RPS6KA2: variants seen among roughly 807,000 people sequenced by gnomAD.
RPS6KA2 encodes the protein ribosomal protein S6 kinase A2.
RPS6KA2 carries 42 observed loss-of-function variants against 91.8 expected under a neutral mutation model. That is an observed-to-expected ratio of 0.46 (90% CI 0.36 to 0.59). RPS6KA2 has a LOEUF of 0.59. RPS6KA2 is among the 20% of genes least tolerant of loss of function. RPS6KA2 has a pLI of 0.00. For missense variants in RPS6KA2, 798 were observed against 978.5 expected (o/e 0.82, Z 2.46); for synonymous variants, 414 against 393.6 (o/e 1.05, Z -0.61).
chr6:166,610,999 A>G (rs963613880), intron 1 of RPS6KA2, among the ~76,000 whole-genome samples: 2 of 152,242 alleles, frequency 1.3e-5, no homozygotes, highest in Non-Finnish European at 2.9e-5. Flanking sequence ...GAACAAAAGT[A>G]TCCTTAAACC....
At chr6:166,573,297 G>C (rs936678205) in intron 1 of RPS6KA2, among the ~76,000 whole-genome samples, 8 of 152,240 alleles carry the variant, frequency 5.3e-5, no homozygotes, top group African/African-American at 1.9e-4. Context: ...GTGTTATGAA[G>C]CACATTCAGG....
At chr6:166,739,869 C>T (rs1030839622) in intron 2 of RPS6KA2, among the ~76,000 whole-genome samples, 1 of 152,220 alleles carries the variant, frequency 6.6e-6, no homozygotes, top group African/African-American at 2.4e-5. Context: ...AAGCCCAACC[C>T]CTTTCCGTAA....
chr6:166,702,085 A>G, intron 2 of RPS6KA2: 2 of 1,393,716 alleles, frequency 1.4e-6, no homozygotes, highest in Non-Finnish European at 2.0e-6. Context: ...CTTCAGGAGT[A>G]GAGAGGATAG....
At chr6:166,567,962 G>A (rs3799614) in intron 1 of RPS6KA2, among the ~76,000 whole-genome samples, 1 of 152,074 alleles carries the variant, frequency 6.6e-6, no homozygotes, top group Non-Finnish European at 1.5e-5. Flanking sequence ...CCAAGGGCAC[G>A]CCAGTGCAGC....
At chr6:166,634,501 T>C (rs1787175754) in intron 2 of RPS6KA2, among the ~76,000 whole-genome samples, 1 of 152,228 alleles carries the variant, frequency 6.6e-6, no homozygotes, top group Non-Finnish European at 1.5e-5. Flanking sequence ...GATGCTTCCC[T>C]GTAAATCCAT....
intron 2 of RPS6KA2, among the ~76,000 whole-genome samples, chr6:166,838,017 A>G (rs1583168452): frequency 6.6e-6 from 1 of 152,268 alleles, no homozygotes; most frequent in African/African-American, 2.4e-5. Flanking sequence ...ACATAAACGC[A>G]ACGCAGGCTC....
At chr6:166,647,988 A>ATG (rs1787696613) in intron 2 of RPS6KA2, among the ~76,000 whole-genome samples, 1 of 104,646 alleles carries the variant, frequency 9.6e-6, no homozygotes, top group African/African-American at 4.2e-5. Flanking sequence ...GCTCACACAC[A>ATG]CGCACATGCT....
At position 166,826,625 on chromosome 6, in the gene RPS6KA2, T is replaced by C. The variant is rs919128484; in HGVS notation, c.123+31575A>G. ...TTCTACGGATTATAAAATTGTCCCC[T>C]GAATTAAGCTAGGCTTACCATAGCT... On this transcript the variant is annotated intron_variant, in intron 2 of 21. Transcript: ENST00000503859. 9.8e-5 allele frequency among the ~76,000 whole-genome samples: 15 copies of C among 152,358 alleles called. No individual in the cohort carries two copies. In the East Asian group the frequency reaches 1.2e-3, roughly 12 times the overall value.
Position 166,600,690 on chromosome 6 carries a change from T to C in RPS6KA2, c.99+26231A>G, listed in dbSNP as rs78358687. 1.3e-4 allele frequency among the ~76,000 whole-genome samples: 20 copies of C among 152,362 alleles called. No individual in the cohort carries two copies. The East Asian group carries it at 3.9e-3, about 29-fold the overall frequency. ...TCTTTTAACATACAAGTTGTTGCAC[T>C]TGCCCTATTTTCAGGACTAAATAAT... On this transcript the variant is annotated intron_variant, in intron 1 of 20. Coordinates refer to ENST00000265678, the MANE Select transcript of RPS6KA2 (RefSeq NM_021135.6).
At chr6:166,642,235 A>C (rs1787461209) in intron 2 of RPS6KA2, among the ~76,000 whole-genome samples, 2 of 152,360 alleles carry the variant, frequency 1.3e-5, no homozygotes, top group Non-Finnish European at 2.9e-5. Context: ...GGAAGCTGAG[A>C]GAGTGGAATA....
rs116035957 is a variant in RPS6KA2, at chr6:166,529,875, T to G, written c.298+1357A>C. Among the ~76,000 whole-genome samples, 518 of 152,338 alleles carry G rather than the reference T, an allele frequency of 3.4e-3. 2 individuals carry two copies. Among genetic ancestry groups the G allele is most frequent in the African/African-American group, 0.012 (497 of 41,582 alleles). On this transcript the variant is annotated intron_variant, in intron 3 of 20. Transcript: ENST00000265678. Reference sequence around the variant, plus strand: ...GGTCAACTTCTGCATTTTCTTACCATTGGTTGTACTGATAAATGTCAACCA... The same window carrying G: ...GGTCAACTTCTGCATTTTCTTACCAGTGGTTGTACTGATAAATGTCAACCA...
chr6:166,767,774 A>AACACACACAC lies in RPS6KA2; in HGVS notation c.123+90416_123+90425dup, dbSNP rs71639661. On this transcript the variant is annotated intron_variant, in intron 2 of 21. Coordinates refer to the RPS6KA2 transcript ENST00000503859. This position sits in a 1 kb window ranked among gnomAD's most constrained non-coding sequence, Gnocchi z 4.6. ...AAGAACTAAAGACAATACCTCCTCAAACACACACACACACACACACACACA... is the reference window on the plus strand; with the variant it reads ...AAGAACTAAAGACAATACCTCCTCAAACACACACACACACACACACACACACACACACACA... 6.1e-5 allele frequency among the ~76,000 whole-genome samples: 9 copies of AACACACACAC among 146,854 alleles called. No individual in the cohort carries two copies. Among genetic ancestry groups the AACACACACAC allele is most frequent in the African/African-American group, 2.3e-4 (9 of 39,776 alleles).
At chr6:166,487,648 C>T (rs537557105) in intron 10 of RPS6KA2, among the ~76,000 whole-genome samples, 49 of 152,248 alleles carry the variant, frequency 3.2e-4, no homozygotes, top group African/African-American at 9.9e-4. Flanking sequence ...GAGTGGTTTA[C>T]GTGATAAAAA....
intron 2 of RPS6KA2, among the ~76,000 whole-genome samples, chr6:166,698,540 C>T (rs892834075): frequency 6.6e-6 from 1 of 152,140 alleles, no homozygotes; most frequent in Non-Finnish European, 1.5e-5. Flanking sequence ...TAACCATCTG[C>T]CCAGTGTGTG....
rs78598590 is a variant in RPS6KA2 at position 166,459,550 on chromosome 6, G to A, written c.974C>T (p.Thr325Met). The change falls in exon 12 of 21, where the codon ACG becomes ATG. Residue 325 changes from threonine (T) to methionine (M), a missense_variant and splice_region_variant. Coordinates refer to ENST00000265678, the MANE Select transcript of RPS6KA2 (RefSeq NM_021135.6). The surrounding 1 kb of genome is among the most constrained non-coding windows in gnomAD (Gnocchi z 4.9). ...TGGCTTGATCTCCTTCCGGTACAGC[G>A]TCTATTAATACAAGGAAAGCAAGAC... ...HPFFVTIDWN[T>M]LYRKEIKPPF... The A allele has an allele frequency of 8.4e-5, 135 of 1,610,624 alleles. No homozygotes were observed. The highest frequency in any genetic ancestry group is 4.3e-4 in the South Asian group (39 of 90,866).
intron 2 of RPS6KA2, among the ~76,000 whole-genome samples, chr6:166,798,631 A>G (rs1187969372): frequency 1.3e-5 from 2 of 152,214 alleles, no homozygotes; most frequent in Non-Finnish European, 2.9e-5. Context: ...ACATGCAAAG[A>G]CCATCTATGG....
intron 10 of RPS6KA2, among the ~76,000 whole-genome samples, chr6:166,488,046 T>C (rs375379171): frequency 3.3e-5 from 5 of 149,588 alleles, no homozygotes; most frequent in African/African-American, 1.2e-4. Flanking sequence ...ATTTAACTTT[T>C]GCCTTCCCCT....
intron 1 of RPS6KA2, among the ~76,000 whole-genome samples, chr6:166,619,862 A>G (rs1286301304): frequency 6.6e-6 from 1 of 152,240 alleles, no homozygotes; most frequent in East Asian, 1.9e-4. Context: ...AGAGCATTAA[A>G]ATTGGGACCT....
At chr6:166,617,455 A>G (rs1477064598) in intron 1 of RPS6KA2, among the ~76,000 whole-genome samples, 1 of 152,186 alleles carries the variant, frequency 6.6e-6, no homozygotes, top group Non-Finnish European at 1.5e-5. Flanking sequence ...CCTAGATTAG[A>G]CATTTTTTCT....
Sources: allele counts gnomAD v4.1 joint callset (sites outside exome capture counted in the v4.1 genomes callset), GRCh38; gene constraint gnomAD v4.1.1; non-coding constraint Gnocchi (gnomAD v3.1); transcripts MANE v1.5; gene names NCBI Gene and HGNC (gene_info 2026-07-23, HGNC 2026-07-21).